The following DNAH17 variants were observed in gnomAD, a reference collection of about 807,000 sequenced individuals.
The protein encoded by DNAH17 is dynein axonemal heavy chain 17.
A neutral mutation model predicts 485.6 loss-of-function variants in DNAH17; 376 were observed. The observed-to-expected ratio is 0.77, with a 90% confidence interval of 0.71 to 0.84. DNAH17 has a LOEUF of 0.84. Among genes scored for constraint, DNAH17 ranks in the 40% least tolerant of loss-of-function variants. The probability of loss-of-function intolerance (pLI) is 0.00; values close to 1 mark genes in which losing one functional copy is unlikely to be tolerated. For missense variants in DNAH17, 6,370 were observed against 5,839.3 expected, an observed-to-expected ratio of 1.09 and a Z score of -2.96; for synonymous variants, 3,031 against 2,405.9, an observed-to-expected ratio of 1.26 and a Z score of -7.60.
At position 78,521,017 on chromosome 17, in the gene DNAH17, G is replaced by A. The variant is rs549126466; in HGVS notation, c.3864+3992C>T. Reference sequence around the variant, plus strand: ...TCAAGACTGTGCAGTATCATGGAGGGACAGACACGAAGACCAATGGAACAG... The same window carrying A: ...TCAAGACTGTGCAGTATCATGGAGGAACAGACACGAAGACCAATGGAACAG... On this transcript the variant is annotated intron_variant, in intron 25 of 80. Coordinates refer to ENST00000389840, the MANE Select transcript of DNAH17 (RefSeq NM_173628.4). 2.6e-5 allele frequency among the ~76,000 whole-genome samples: 4 copies of A among 152,296 alleles called. No homozygotes were observed. In the South Asian group the frequency reaches 8.3e-4, roughly 32 times the overall value.
At chr17:78,575,816 A>T (rs1470161653) in intron 1 of DNAH17, among the ~76,000 whole-genome samples, 1 of 152,234 alleles carries the variant, frequency 6.6e-6, no homozygotes, top group Admixed American at 6.5e-5. Context: ...AGACACACCC[A>T]AACAGTCATC....
intron 17 of DNAH17, 95 bp downstream of exon 17, chr17:78,543,759 CACT>C: frequency 6.4e-7 from 1 of 1,551,188 alleles, no homozygotes; most frequent in South Asian, 1.1e-5. Flanking sequence ...AGAAATGTGT[CACT>C]AATCATTTTT....
At chr17:78,527,096 T>C in intron 22 of DNAH17, 100 bp from the exon 23 acceptor site, 6 of 1,038,396 alleles carry the variant, frequency 5.8e-6, no homozygotes, top group Non-Finnish European at 8.2e-6. Context: ...GCAAAAACAG[T>C]GCAGGGGCCG....
Position 78,526,721 on chromosome 17 carries a change from A to G in DNAH17, c.3641T>C (p.Phe1214Ser). ...CQQFELKQHE[F>S]RERFRREAPF... ...GGCCTCGCGCCTGAACCTCTCCCTG[A>G]ACTCATGTTGCTTGAGCTGCGAGAG... The change falls in exon 24 of 81, where the codon TTC (phenylalanine) becomes TCC (serine). Residue 1214 changes from phenylalanine to serine, a missense_variant. Physicochemically the swap from Phe to Ser is radical, Grantham distance 155. Transcript: ENST00000389840. 1.2e-6 allele frequency: 2 copies of G among 1,609,158 alleles called. No homozygotes were observed. The highest frequency in any genetic ancestry group is 2.2e-5 in the South Asian group (2 of 90,824).
At chr17:78,490,961 C>A in intron 43 of DNAH17, 114 bp from the exon 44 acceptor site, 1 of 1,300,050 alleles carries the variant, frequency 7.7e-7, no homozygotes, top group Non-Finnish European at 1.0e-6. Context: ...GGGGCCCAGG[C>A]CAGCCCTGCC....
intron 18 of DNAH17, 84 bp downstream of exon 18, chr17:78,539,653 T>C (rs1402925784): frequency 4.3e-6 from 5 of 1,163,704 alleles, no homozygotes; most frequent in Non-Finnish European, 1.2e-6. Flanking sequence ...AATGATAGCC[T>C]GTTCATCAAG....
In DNAH17 at chr17:78,434,173, G is replaced by A; in HGVS notation, c.12081C>T (p.Leu4027=). 3 of 1,613,500 alleles carry A rather than the reference G, an allele frequency of 1.9e-6. No homozygotes were observed. Among genetic ancestry groups the A allele is most frequent in the Non-Finnish European group, 2.5e-6 (3 of 1,179,738 alleles). Residue 4027 remains leucine (L), a synonymous_variant, in exon 75 of 81, where the codon CTC becomes CTT. Transcript: ENST00000389840. ...CAGCGTGGAAGTAGCACAGGGCGAA[G>A]AGCATGCACTTGAACTCCATCTCCT... is the stretch of plus-strand genomic sequence containing the variant. ...CTKEMEFKCM[L]FALCYFHAVV...
intron 9 of DNAH17, 148 bp downstream of exon 9, chr17:78,569,018 T>C (rs1388567564): frequency 4.4e-6 from 3 of 674,818 alleles, no homozygotes; most frequent in East Asian, 2.8e-5. Context: ...CCGCAAAGCC[T>C]TGGTTTCCTC....
chr17:78,442,711 G>A (rs1452930901), intron 71 of DNAH17, among the ~76,000 whole-genome samples: 1 of 152,226 alleles, frequency 6.6e-6, no homozygotes, highest in African/African-American at 2.4e-5. Context: ...ACAGCTTTCA[G>A]CAGACCCCGG....
chr17:78,460,833 G>A (rs1426720176), intron 58 of DNAH17, among the ~76,000 whole-genome samples: 1 of 152,104 alleles, frequency 6.6e-6, no homozygotes, highest in Non-Finnish European at 1.5e-5. Flanking sequence ...AGAGTGTATA[G>A]CTCACACCCC....
chr17:78,529,635 T>C lies in DNAH17; in HGVS notation c.3344A>G (p.Lys1115Arg). The change falls in exon 22 of 81, where the codon AAG (lysine) becomes AGG (arginine). Residue 1115 changes from lysine (K) to arginine (R), a missense_variant. By Grantham distance (26) the Lys-to-Arg change is conservative. Transcript: ENST00000389840. ...VARMGLTKPL[K>R]EGDYDGLVEV... ...CACAAGCCCATCATAGTCCCCCTCC[T>C]TGAGGGGCTTGGTCAAGCCCATTCT... The C allele has an allele frequency of 6.2e-7, 1 of 1,613,902 alleles. No homozygotes were observed. Among genetic ancestry groups the C allele is most frequent in the Non-Finnish European group, 8.5e-7 (1 of 1,179,868 alleles).
rs1345806738 is a variant in DNAH17, at chr17:78,480,056, A to ATG, written c.7753-425_7753-424insCA. Among the ~76,000 whole-genome samples, 74 of 59,828 alleles carry ATG rather than the reference A, an allele frequency of 1.2e-3. 12 individuals carry two copies. Among genetic ancestry groups the ATG allele is most frequent in the Admixed American group, 2.1e-3 (8 of 3,880 alleles). The allele number at this position is 59,828 out of a possible 152,430, so 39.2% of individuals were successfully genotyped here. ...TTTTTTTTTTTTTTTTTTTAAAAAAAGTATGTCCCAGGCCGGGCACGGTGA... is the reference window on the plus strand; with the variant it reads ...TTTTTTTTTTTTTTTTTTTAAAAAAATGGTATGTCCCAGGCCGGGCACGGTGA... On this transcript the variant is annotated intron_variant, in intron 49 of 80. Transcript: ENST00000389840.
chr17:78,462,690 G>A (rs139033990), intron 57 of DNAH17, among the ~76,000 whole-genome samples, 154 bp downstream of exon 57: 1 of 152,316 alleles, frequency 6.6e-6, no homozygotes, highest in African/African-American at 2.4e-5. Context: ...TGGCCTAGGA[G>A]TAAATGCTTC....
rs778377052 is a variant in DNAH17 at position 78,462,973 on chromosome 17, G to C, written c.9045C>G (p.Thr3015=). The C allele has an allele frequency of 6.2e-7, 1 of 1,613,964 alleles. No homozygotes were observed. The highest frequency in any genetic ancestry group is 1.7e-5 in the Admixed American group (1 of 60,018). ...TCTGCTCCAGAAAGGTTTTGGGTGT[G>C]GTGTAGTTGTAGCGCCTCTCAGTAG... ...YLATERRYNY[T]TPKTFLEQIK... Residue 3015 remains threonine, a synonymous_variant, in exon 57 of 81, where the codon ACC becomes ACG. Transcript: ENST00000389840.
intron 25 of DNAH17, among the ~76,000 whole-genome samples, chr17:78,520,697 A>G (rs758205821): frequency 2.0e-5 from 3 of 150,034 alleles, no homozygotes; most frequent in Admixed American, 6.7e-5. Flanking sequence ...CTTAAATGCT[A>G]TAACAAAATG....
chr17:78,506,760 T>A lies in DNAH17; in HGVS notation c.4763A>T (p.Asp1588Val). ...FPRFYFVSSA[D>V]LLDILSNGND... ...GCCATTGGAGAGAATGTCCAGGAGG[T>A]CAGCCGAGGAGACAAAATAGAACCG... Residue 1588 changes from aspartate (D) to valine (V), a missense_variant, in exon 30 of 81, where the codon GAC becomes GTC. Asp to Val is a radical substitution (Grantham distance 152). Transcript: ENST00000389840. 1.9e-6 allele frequency: 3 copies of A among 1,613,822 alleles called. No individual in the cohort carries two copies. The highest frequency in any genetic ancestry group is 2.5e-6 in the Non-Finnish European group (3 of 1,179,842).
intron 9 of DNAH17, 139 bp from the exon 10 acceptor site, chr17:78,567,305 G>A: frequency 1.3e-6 from 1 of 791,860 alleles, no homozygotes; most frequent in South Asian, 1.7e-5. Flanking sequence ...GGGGTGGGAG[G>A]ACACCCTCTG....
intron 54 of DNAH17, among the ~76,000 whole-genome samples, chr17:78,474,238 C>G (rs1344663449): frequency 1.3e-5 from 2 of 152,242 alleles, no homozygotes; most frequent in Non-Finnish European, 2.9e-5. Flanking sequence ...TAGGTTCCCC[C>G]TTGGGTCTGG....
intron 77 of DNAH17, chr17:78,428,283 C>A (rs943386206): frequency 7.1e-6 from 4 of 564,436 alleles, no homozygotes; most frequent in African/African-American, 1.9e-5. Flanking sequence ...CGCATCCACA[C>A]CCCCAAGGAT....
Sources: allele counts gnomAD v4.1 joint callset (sites outside exome capture counted in the v4.1 genomes callset), GRCh38; gene constraint gnomAD v4.1.1; transcripts MANE v1.5; gene names NCBI Gene and HGNC (gene_info 2026-07-23, HGNC 2026-07-21).